Variants in TOGARAM2 observed in about 807,000 individuals in gnomAD.
The protein encoded by TOGARAM2 is TOG array regulator of axonemal microtubules 2.
Under a neutral mutation model 93.3 loss-of-function variants are expected in TOGARAM2, and 85 were observed. The ratio of observed to expected loss-of-function variants is 0.91; its 90% CI spans 0.76 to 1.09. TOGARAM2 has a LOEUF of 1.09. Among genes scored for constraint, TOGARAM2 ranks in the 50% least tolerant of loss-of-function variants. The probability of loss-of-function intolerance (pLI) is 0.00; values close to 1 mark genes in which losing one functional copy is unlikely to be tolerated. For synonymous variants in TOGARAM2, 593 were observed against 552.8 expected, an observed-to-expected ratio of 1.07 and a Z score of -1.02; for missense variants, 1,277 against 1,334.5, an observed-to-expected ratio of 0.96 and a Z score of 0.67.
intron 17 of TOGARAM2, among the ~76,000 whole-genome samples, chr2:29,036,193 T>C (rs1572769563): frequency 2.0e-5 from 3 of 152,164 alleles, no homozygotes; most frequent in East Asian, 1.9e-4. Flanking sequence ...AGGCAAATCA[T>C]TGAACCTCTT....
intron 1 of TOGARAM2, among the ~76,000 whole-genome samples, chr2:28,963,467 T>A (rs973265005): frequency 6.6e-6 from 1 of 152,172 alleles, no homozygotes; most frequent in African/African-American, 2.4e-5. Flanking sequence ...CTCCAACTTC[T>A]AGTCTCAAAT....
intron 1 of TOGARAM2, among the ~76,000 whole-genome samples, chr2:28,970,209 G>A (rs1231353660): frequency 1.3e-5 from 2 of 152,280 alleles, no homozygotes; most frequent in Admixed American, 1.3e-4. Context: ...TTTCAGAGAA[G>A]TTTAATGATT....
chr2:29,024,425 C>A, intron 13 of TOGARAM2, 51 bp downstream of exon 13: 1 of 1,300,392 alleles, frequency 7.7e-7, no homozygotes, highest in Non-Finnish European at 1.0e-6. Context: ...GAAGGTAAGG[C>A]AAGGGGAGAG....
intron 6 of TOGARAM2, among the ~76,000 whole-genome samples, chr2:29,005,507 T>TTGTG (rs147114163): frequency 0.58 from 79,355 of 136,708 alleles, 22,881 homozygotes; most frequent in East Asian, 0.66. Flanking sequence ...GTGCATGTGT[T>TTGTG]TGTGTAACTA....
intron 6 of TOGARAM2, among the ~76,000 whole-genome samples, chr2:29,005,836 ATG>A (rs1365863903): frequency 9.5e-5 from 11 of 115,520 alleles, no homozygotes; most frequent in South Asian, 2.7e-4. Context: ...GTGCATGTGT[ATG>A]TGTCAGTGCA....
At chr2:29,012,693 A>G (rs541090433) in intron 7 of TOGARAM2, among the ~76,000 whole-genome samples, 1 of 152,296 alleles carries the variant, frequency 6.6e-6, no homozygotes, top group African/African-American at 2.4e-5. Flanking sequence ...AAAATAGTTA[A>G]GTCCTTAAAG....
At chr2:29,034,711 C>A (rs1039428631) in intron 16 of TOGARAM2, among the ~76,000 whole-genome samples, 1 of 152,160 alleles carries the variant, frequency 6.6e-6, no homozygotes, top group Non-Finnish European at 1.5e-5. Flanking sequence ...CATGTGATCC[C>A]AGTGTAAGAA....
chr2:29,025,474 A>G (rs13008525), intron 13 of TOGARAM2, among the ~76,000 whole-genome samples: 45,142 of 151,844 alleles, frequency 0.3, 6,844 homozygotes, highest in Middle Eastern at 0.35. Flanking sequence ...AATGAGGTAG[A>G]TGTGAGATAA....
intron 14 of TOGARAM2, among the ~76,000 whole-genome samples, chr2:29,031,424 A>C (rs1665760873): frequency 6.6e-6 from 1 of 152,314 alleles, no homozygotes. Flanking sequence ...CATTGTAGGA[A>C]CTACACTATG....
chr2:29,010,408 G>C (rs1162976443), intron 6 of TOGARAM2, among the ~76,000 whole-genome samples: 2 of 152,120 alleles, frequency 1.3e-5, no homozygotes, highest in Non-Finnish European at 2.9e-5. Flanking sequence ...CCTGGCCCTG[G>C]GAGCAATGGC....
At chr2:29,024,436 G>T in intron 13 of TOGARAM2, 62 bp downstream of exon 13, 1 of 1,077,218 alleles carries the variant, frequency 9.3e-7, no homozygotes, top group Non-Finnish European at 1.3e-6. Flanking sequence ...AAGGGGAGAG[G>T]CCCTGGGATG....
At chr2:29,034,091 C>G (rs918041707) in intron 16 of TOGARAM2, among the ~76,000 whole-genome samples, 6 of 152,166 alleles carry the variant, frequency 3.9e-5, no homozygotes, top group Non-Finnish European at 7.3e-5. Flanking sequence ...CTGATCCCAT[C>G]TGAACTCCTT....
intron 6 of TOGARAM2, among the ~76,000 whole-genome samples, chr2:29,004,325 G>A (rs1266389384): frequency 2.0e-5 from 3 of 152,192 alleles, no homozygotes; most frequent in Non-Finnish European, 4.4e-5. Context: ...GTTCATGGCA[G>A]CTCTTTGTAA....
chr2:28,999,312 C>T lies in TOGARAM2; in HGVS notation c.271C>T (p.Pro91Ser), dbSNP rs1266228259. The change falls in exon 4 of 20, where the codon CCC becomes TCC. Residue 91 changes from proline to serine, a missense_variant. Physicochemically the swap from Pro to Ser is moderately conservative, Grantham distance 74. Transcript: ENST00000379558. ...GGGCTGGCAGGCAAGGAATGGTCACCCCAGGAACCTCAGGGCCTTGTCTTT... is the reference window on the plus strand; with the variant it reads ...GGGCTGGCAGGCAAGGAATGGTCACTCCAGGAACCTCAGGGCCTTGTCTTT... ...SKGWQARNGH[P>S]RNLRALSLGD... The T allele has an allele frequency of 6.2e-7, 1 of 1,613,768 alleles. No homozygotes were observed. The highest frequency in any genetic ancestry group is 1.3e-5 in the African/African-American group (1 of 74,928).
In TOGARAM2 at chr2:29,035,666, G is replaced by A. The variant is rs746809993; in HGVS notation, c.2418+10G>A. On this transcript the variant is annotated intron_variant, in intron 17 of 19. Coordinates refer to ENST00000379558, the MANE Select transcript of TOGARAM2 (RefSeq NM_199280.4). The stretch of plus-strand genomic sequence containing the variant: ...TGCCCACCTGGTCCAGGTGAGCACC[G>A]CTTGCTTTTACTCTCCCACCTGTCT... 2.1e-6 allele frequency: 3 copies of A among 1,403,954 alleles called. No homozygotes were observed. The highest frequency in any genetic ancestry group is 2.8e-6 in the Non-Finnish European group (3 of 1,067,530). The allele number at this position is 1,403,954 out of a possible 1,614,324, so 87.0% of individuals were successfully genotyped here. A position where few individuals can be genotyped will look rare whatever the true frequency, so the allele number is the denominator to read the frequency against.
chr2:29,029,754 T>TAAA (rs764355917), intron 14 of TOGARAM2, among the ~76,000 whole-genome samples: 2 of 127,124 alleles, frequency 1.6e-5, no homozygotes, highest in African/African-American at 5.9e-5. Flanking sequence ...AGGCTCTGTC[T>TAAA]AAAAAAAAAA....
chr2:29,018,729 CT>C (rs1176323938), intron 10 of TOGARAM2, among the ~76,000 whole-genome samples: 4 of 152,028 alleles, frequency 2.6e-5, no homozygotes, highest in African/African-American at 9.7e-5. Context: ...TTTAGCACCT[CT>C]TTTTTTATTT....
chr2:29,035,103 T>C (rs1666002807), intron 16 of TOGARAM2, among the ~76,000 whole-genome samples: 1 of 147,786 alleles, frequency 6.8e-6, no homozygotes, highest in African/African-American at 2.5e-5. Context: ...TGAGCTGAGA[T>C]TGGGCCATTA....
intron 6 of TOGARAM2, among the ~76,000 whole-genome samples, chr2:29,007,947 C>A (rs1224175524): frequency 6.6e-6 from 1 of 152,022 alleles, no homozygotes; most frequent in African/African-American, 2.4e-5. Context: ...CCCACCCATT[C>A]ATTTCATCTC....
Sources: gnomAD v4.1 joint callset for allele counts (sites outside exome capture counted in the v4.1 genomes callset) on GRCh38, gnomAD v4.1.1 for gene constraint, MANE v1.5 for transcripts, NCBI Gene and HGNC (gene_info 2026-07-23, HGNC 2026-07-21) for gene names.